Variants in ROR2 observed in about 807,000 individuals in gnomAD.
The protein encoded by ROR2 is ROR family WNT receptor 2.
In ROR2, 33 loss-of-function variants were observed where a neutral mutation model predicts 74.9. The ratio of observed to expected loss-of-function variants is 0.44; its 90% CI spans 0.33 to 0.59. The LOEUF is 0.59. ROR2 is among the 20% of genes least tolerant of loss of function. ROR2 has a pLI of 0.02. For missense variants in ROR2, 1,216 were observed against 1,313.8 expected, an observed-to-expected ratio of 0.93 and a Z score of 1.15; for synonymous variants, 586 against 558.7, an observed-to-expected ratio of 1.05 and a Z score of -0.69.
intron 1 of ROR2, among the ~76,000 whole-genome samples, chr9:91,914,329 C>G (rs913253389): frequency 6.6e-6 from 1 of 152,186 alleles, no homozygotes; most frequent in Admixed American, 6.5e-5. Flanking sequence ...GAAAATCGAA[C>G]ACTAGAATGA....
intron 4 of ROR2, among the ~76,000 whole-genome samples, chr9:91,738,313 T>C (rs1211107351): frequency 6.6e-6 from 1 of 152,198 alleles, no homozygotes; most frequent in East Asian, 1.9e-4. Context: ...AAAAAATGCC[T>C]ATTAATTTCA....
intron 1 of ROR2, among the ~76,000 whole-genome samples, chr9:91,856,238 C>T (rs911526781): frequency 3.3e-5 from 5 of 152,114 alleles, no homozygotes; most frequent in Non-Finnish European, 5.9e-5. Context: ...TGCCTGTAGT[C>T]CCAGCTACTT....
chr9:91,801,426 G>A (rs1406955842), intron 1 of ROR2, among the ~76,000 whole-genome samples: 4 of 152,090 alleles, frequency 2.6e-5, no homozygotes, highest in Non-Finnish European at 5.9e-5. Flanking sequence ...TCCACCTCAC[G>A]GGTTCAAGCA....
chr9:91,919,886 A>T (rs1263051777), intron 1 of ROR2, among the ~76,000 whole-genome samples: 1 of 152,170 alleles, frequency 6.6e-6, no homozygotes, highest in Non-Finnish European at 1.5e-5. Flanking sequence ...TAGAACCAAC[A>T]ACCGGTACCA....
rs536593087 is a variant in ROR2, at chr9:91,922,093, ACAACAG to A, written c.97+27768_97+27773del. ...AGGACGACTATTACCAAAAAACCAA[ACAACAG>A]CAACAACAACAACAACAACAACAAC... On this transcript the variant is annotated intron_variant, in intron 1 of 8. Transcript: ENST00000375708. 4.6e-4 allele frequency among the ~76,000 whole-genome samples: 62 copies of A among 136,174 alleles called. No individual in the cohort carries two copies. In the East Asian group the frequency reaches 8.7e-3, roughly 19 times the overall value. 89.3% of individuals were successfully genotyped at this position (136,174 alleles called of 152,430 possible).
At chr9:91,752,650 C>T (rs1453193852) in intron 4 of ROR2, among the ~76,000 whole-genome samples, 2 of 152,104 alleles carry the variant, frequency 1.3e-5, no homozygotes, top group Non-Finnish European at 2.9e-5. Flanking sequence ...TAGGGTGTTT[C>T]GATTGCAGAG....
At chr9:91,750,809 T>C (rs983362194) in intron 4 of ROR2, among the ~76,000 whole-genome samples, 2 of 151,950 alleles carry the variant, frequency 1.3e-5, no homozygotes, top group Admixed American at 6.6e-5. Flanking sequence ...TTTGCAAATA[T>C]GGAATCTGAA....
chr9:91,724,893 G>A lies in ROR2; in HGVS notation c.1601C>T (p.Pro534Leu), dbSNP rs762554351. 6.2e-7 allele frequency: 1 copy of A among 1,606,498 alleles called. No homozygotes were observed. Among genetic ancestry groups the A allele is most frequent in the Non-Finnish European group, 8.5e-7 (1 of 1,174,562 alleles). ...EAMLRARLQH[P>L]NVVCLLGVVT... ...CACGCCCAGCAGGCAGACGACGTTG[G>A]GGTGTTGCAGCCGTGCTCGCAGCAT... Residue 534 changes from proline to leucine, a missense_variant, in exon 9 of 9, where the codon CCC becomes CTC. Physicochemically the swap from Pro to Leu is moderately conservative, Grantham distance 98. Coordinates refer to ENST00000375708, the MANE Select transcript of ROR2 (RefSeq NM_004560.4).
At chr9:91,859,465 G>A (rs1270999760) in intron 1 of ROR2, among the ~76,000 whole-genome samples, 1 of 152,162 alleles carries the variant, frequency 6.6e-6, no homozygotes, top group Non-Finnish European at 1.5e-5. Context: ...GGCGGCAAGG[G>A]TATTTTTTGG....
rs562858495 is a variant in ROR2 at position 91,918,200 on chromosome 9, G to A, written c.97+31667C>T. Reference sequence around the variant, plus strand: ...GGAGAATGGTGTGAATCCGGGAGGCGGAGCTTGCAGTGAGCTGAGATTGCG... The same window carrying A: ...GGAGAATGGTGTGAATCCGGGAGGCAGAGCTTGCAGTGAGCTGAGATTGCG... On this transcript the variant is annotated intron_variant, in intron 1 of 8. Transcript: ENST00000375708. 7.1e-4 allele frequency among the ~76,000 whole-genome samples: 108 copies of A among 151,638 alleles called. 1 individual carries two copies. In the Middle Eastern group the frequency reaches 0.017, roughly 24 times the overall value.
chr9:91,762,345 T>C (rs1373761269), intron 2 of ROR2, among the ~76,000 whole-genome samples: 4 of 152,222 alleles, frequency 2.6e-5, no homozygotes, highest in African/African-American at 9.6e-5. Flanking sequence ...AGTTTCTGAG[T>C]TGATTGCCTT....
chr9:91,782,139 T>G (rs1826640877), intron 1 of ROR2, among the ~76,000 whole-genome samples: 1 of 152,222 alleles, frequency 6.6e-6, no homozygotes, highest in Admixed American at 6.5e-5. Flanking sequence ...CCCCACCAGA[T>G]ACAGTGAGAA....
At chr9:91,782,788 T>C (rs1826668835) in intron 1 of ROR2, among the ~76,000 whole-genome samples, 1 of 152,096 alleles carries the variant, frequency 6.6e-6, no homozygotes, top group Non-Finnish European at 1.5e-5. Context: ...CAGAGGGGGT[T>C]CAAAAGCAGA....
intron 1 of ROR2, among the ~76,000 whole-genome samples, chr9:91,906,682 T>C (rs1338008783): frequency 6.6e-6 from 1 of 152,238 alleles, no homozygotes; most frequent in African/African-American, 2.4e-5. Context: ...ATTTCATCTA[T>C]CCTTTTTGGT....
intron 1 of ROR2, among the ~76,000 whole-genome samples, chr9:91,918,771 A>C (rs1377941459): frequency 6.6e-6 from 1 of 152,260 alleles, no homozygotes; most frequent in Non-Finnish European, 1.5e-5. Flanking sequence ...TAAAAGGGAC[A>C]GGAAGAGCCT....
intron 1 of ROR2, among the ~76,000 whole-genome samples, chr9:91,833,516 C>A (rs1828527849): frequency 6.6e-6 from 1 of 152,216 alleles, no homozygotes; most frequent in African/African-American, 2.4e-5. Flanking sequence ...AGTCCCACCA[C>A]CAGCACCGCC....
chr9:91,854,211 G>A (rs963282850), intron 1 of ROR2, among the ~76,000 whole-genome samples: 1 of 152,206 alleles, frequency 6.6e-6, no homozygotes, highest in Non-Finnish European at 1.5e-5. Flanking sequence ...GAGGATTGCT[G>A]ATAGCAGGGG....
At position 91,883,891 on chromosome 9, in the gene ROR2, A is replaced by T. The variant is rs143993687; in HGVS notation, c.97+65976T>A. Among the ~76,000 whole-genome samples, 749 of 151,992 alleles carry T rather than the reference A, an allele frequency of 4.9e-3. 10 individuals carry two copies. Among genetic ancestry groups the T allele is most frequent in the African/African-American group, 0.017 (710 of 41,450 alleles). ...CTCGGAACCCCCTTCTCAGCCCCCT[A>T]CCCAGGGCCCCTATCTAGCATGAGT... On this transcript the variant is annotated intron_variant, in intron 1 of 8. Transcript: ENST00000375708.
At chr9:91,918,003 G>A (rs1380739404) in intron 1 of ROR2, among the ~76,000 whole-genome samples, 1 of 151,952 alleles carries the variant, frequency 6.6e-6, no homozygotes. Flanking sequence ...CGGGCGCGGT[G>A]GCTCACACCT....
Sources: allele counts gnomAD v4.1 joint callset (sites outside exome capture counted in the v4.1 genomes callset), GRCh38; gene constraint gnomAD v4.1.1; transcripts MANE v1.5; gene names NCBI Gene and HGNC (gene_info 2026-07-23, HGNC 2026-07-21).